The following NFAT5 variants were observed in gnomAD, a reference collection of about 807,000 sequenced individuals.
The protein encoded by NFAT5 is nuclear factor of activated T cells 5, also known as nuclear factor of activated T-cells 5.
In NFAT5, 31 loss-of-function variants were observed where a neutral mutation model predicts 166.5. That is an observed-to-expected ratio of 0.19 (90% CI 0.14 to 0.25). NFAT5 has a LOEUF of 0.25. NFAT5 is among the 10% of genes least tolerant of loss of function. The pLI, the probability that NFAT5 is intolerant of heterozygous loss-of-function variation, is 1.00. For missense variants in NFAT5, 1,449 were observed against 1,821.8 expected (o/e 0.80, Z 3.72); for synonymous variants, 612 against 639.7 (o/e 0.96, Z 0.65).
intron 10 of NFAT5, 64 bp downstream of exon 10, chr16:69,677,399 A>G: frequency 1.4e-6 from 2 of 1,410,028 alleles, no homozygotes; most frequent in Non-Finnish European, 1.9e-6. Context: ...TTGAAAGAAT[A>G]TGAAGATGAC....
chr16:69,637,138 G>A (rs1490720619), intron 3 of NFAT5, among the ~76,000 whole-genome samples: 4 of 152,032 alleles, frequency 2.6e-5, no homozygotes, highest in Non-Finnish European at 5.9e-5. Flanking sequence ...TAAAATGCCG[G>A]TCTCTTTGCT....
Position 69,684,893 on chromosome 16 carries a change from C to G in NFAT5, c.1697C>G (p.Ala566Gly), listed in dbSNP as rs150693156. Residue 566 changes from alanine to glycine, a missense_variant, in exon 11 of 15, where the codon GCT (alanine) becomes GGT (glycine). Transcript: ENST00000349945. ...PFTYTPDPAA[A>G]GALNVNVKKE... ...TTAATCTTTTTTTTAATAGCAGCAG[C>G]TGGTGCTTTGAATGTAAATGTGAAG... 808 of 1,600,962 alleles carry G rather than the reference C, an allele frequency of 5.0e-4. 7 individuals are homozygous for G. The East Asian group carries it at 8.6e-3, about 17-fold the overall frequency.
intron 4 of NFAT5, among the ~76,000 whole-genome samples, chr16:69,650,432 A>G (rs896479026): frequency 6.6e-6 from 1 of 152,144 alleles, no homozygotes; most frequent in African/African-American, 2.4e-5. Context: ...AGATAGTTTT[A>G]AGAACTTCTA....
intron 4 of NFAT5, chr16:69,649,365 C>G: frequency 2.1e-6 from 2 of 973,230 alleles, no homozygotes; most frequent in Middle Eastern, 5.3e-4. Flanking sequence ...TTACTTATGG[C>G]TAGTAAACAG....
chr16:69,615,109 T>C (rs1287833739), intron 2 of NFAT5, among the ~76,000 whole-genome samples: 1 of 151,024 alleles, frequency 6.6e-6, no homozygotes, highest in African/African-American at 2.4e-5. Context: ...TGGCGCGACC[T>C]CGGCTCACTG....
At chr16:69,630,017 A>G (rs1037924589) in intron 3 of NFAT5, among the ~76,000 whole-genome samples, 44 of 151,328 alleles carry the variant, frequency 2.9e-4, no homozygotes, top group Admixed American at 1.3e-4. Context: ...GCTCACTGCA[A>G]CCTCCACCTC....
intron 4 of NFAT5, chr16:69,648,755 T>C (rs963134256): frequency 1.7e-5 from 17 of 973,768 alleles, no homozygotes; most frequent in Non-Finnish European, 2.1e-5. Context: ...CTCCTACAAT[T>C]TCAGTTTTAC....
At chr16:69,573,485 C>A (rs957929479) in intron 2 of NFAT5, among the ~76,000 whole-genome samples, 2 of 151,936 alleles carry the variant, frequency 1.3e-5, no homozygotes, top group Non-Finnish European at 2.9e-5. Context: ...CTATTGAATT[C>A]TTTTCTTGTT....
intron 2 of NFAT5, among the ~76,000 whole-genome samples, chr16:69,621,323 A>G (rs1018117336): frequency 4.6e-5 from 7 of 152,114 alleles, no homozygotes; most frequent in African/African-American, 1.2e-4. Flanking sequence ...AGAGGGTACA[A>G]TTCAGTGGTT....
At chr16:69,571,915 A>G (rs1326888406) in intron 2 of NFAT5, among the ~76,000 whole-genome samples, 1 of 151,828 alleles carries the variant, frequency 6.6e-6, no homozygotes, top group Non-Finnish European at 1.5e-5. Context: ...GACTGCCACC[A>G]CGCCCGGCTA....
At chr16:69,601,235 G>A (rs574593204) in intron 2 of NFAT5, among the ~76,000 whole-genome samples, 4 of 152,050 alleles carry the variant, frequency 2.6e-5, no homozygotes, top group East Asian at 1.9e-4. Flanking sequence ...TCTTTCAGGC[G>A]TCTCTATATA....
chr16:69,679,436 T>G (rs570946621), intron 10 of NFAT5, among the ~76,000 whole-genome samples: 2 of 151,568 alleles, frequency 1.3e-5, no homozygotes, highest in African/African-American at 4.8e-5. Context: ...GCCAACATGG[T>G]GAAACCCCTC....
intron 10 of NFAT5, among the ~76,000 whole-genome samples, chr16:69,679,984 G>C (rs1270975376): frequency 6.6e-6 from 1 of 152,084 alleles, no homozygotes; most frequent in Non-Finnish European, 1.5e-5. Flanking sequence ...CGGGCGCGGT[G>C]GTGGGCACCT....
Position 69,704,487 on chromosome 16 carries a change from T to C in NFAT5, c.*8136T>C, listed in dbSNP as rs1049061509. ...GATTTCAGAGCACTGATACCAGATA[T>C]TTTCAGTTTGTTCTCTGGGGGAATT... is the stretch of plus-strand genomic sequence containing the variant. On this transcript the variant is annotated 3_prime_UTR_variant, in exon 15 of 15. Transcript: ENST00000349945. The C allele has an allele frequency of 6.5e-5, 10 of 152,690 alleles. No homozygotes were observed. The highest frequency in any genetic ancestry group is 2.4e-4 in the African/African-American group (10 of 41,472). 9.5% of individuals were successfully genotyped at this position (152,690 alleles called of 1,614,324 possible). A position where few individuals can be genotyped will look rare whatever the true frequency, so the allele number is the denominator to read the frequency against.
intron 3 of NFAT5, among the ~76,000 whole-genome samples, chr16:69,638,469 C>A (rs11863013): frequency 0.046 from 6,990 of 152,116 alleles, 554 homozygotes; most frequent in African/African-American, 0.16. Flanking sequence ...CACGGTGGCT[C>A]ACGCCTGTAA....
intron 2 of NFAT5, among the ~76,000 whole-genome samples, chr16:69,595,152 G>A (rs2032717268): frequency 1.3e-5 from 2 of 152,178 alleles, no homozygotes; most frequent in South Asian, 4.1e-4. Context: ...CAATCAAGTT[G>A]ACACTCAGTA....
intron 3 of NFAT5, 27 bp downstream of exon 3, chr16:69,626,555 A>G (rs1278256922): frequency 6.7e-7 from 1 of 1,503,526 alleles, no homozygotes; most frequent in East Asian, 2.4e-5. Flanking sequence ...ACTTTATTAA[A>G]GAAAACTAGG....
rs16959059 is a variant in NFAT5, at chr16:69,699,106, G to A, written c.*2755G>A. ...AAGTAGTATAAATACAAATCTGTAA[G>A]TTATTTTTGAATTTTCTGAACTTTT... is the stretch of plus-strand genomic sequence containing the variant. On this transcript the variant is annotated 3_prime_UTR_variant, in exon 15 of 15. Coordinates refer to ENST00000349945, the MANE Select transcript of NFAT5 (RefSeq NM_138713.4). 0.13 allele frequency: 20,404 copies of A among 152,612 alleles called. 1,575 individuals carry two copies. The highest frequency in any genetic ancestry group is 0.36 in the East Asian group (1,872 of 5,164). The allele number at this position is 152,612 out of a possible 1,614,324, so 9.5% of individuals were successfully genotyped here. A position where few individuals can be genotyped will look rare whatever the true frequency, so the allele number is the denominator to read the frequency against.
intron 2 of NFAT5, among the ~76,000 whole-genome samples, chr16:69,591,053 T>G (rs1013304261): frequency 1.5e-4 from 23 of 152,298 alleles, no homozygotes; most frequent in Non-Finnish European, 1.9e-4. Flanking sequence ...TGCCTCAGCC[T>G]CCCTAGTAGC....
Sources: allele counts gnomAD v4.1 joint callset (sites outside exome capture counted in the v4.1 genomes callset), GRCh38; gene constraint gnomAD v4.1.1; transcripts MANE v1.5; gene names NCBI Gene and HGNC (gene_info 2026-07-23, HGNC 2026-07-21).